The following LRRC9 variants were observed in gnomAD, a reference collection of about 807,000 sequenced individuals.
LRRC9 encodes leucine-rich repeat-containing protein 9.
Under a neutral mutation model 63.2 loss-of-function variants are expected in LRRC9, and 122 were observed. The observed-to-expected ratio is 1.93, with a 90% CI of 1.67 to 2.24. The LOEUF (loss-of-function observed/expected upper bound fraction) is 2.24. Ranked by LOEUF, LRRC9 falls within the 30% of genes most tolerant of loss-of-function variation. The probability of loss-of-function intolerance (pLI) is 0.00; values close to 1 mark genes in which losing one functional copy is unlikely to be tolerated. For missense variants in LRRC9, 1,071 were observed against 627.7 expected (o/e 1.71, Z -7.55); for synonymous variants, 366 against 213.1 (o/e 1.72, Z -6.25).
At chr14:60,046,646 A>T (rs1214869570) in intron 29 of LRRC9, among the ~76,000 whole-genome samples, 1 of 152,124 alleles carries the variant, frequency 6.6e-6, no homozygotes, top group Non-Finnish European at 1.5e-5. Flanking sequence ...CTGTTTTTGT[A>T]CCACTACCGT....
chr14:60,051,980 C>T lies in LRRC9; in HGVS notation c.3991-1085C>T, dbSNP rs1401533892. On this transcript the variant is annotated intron_variant, in intron 29 of 31. Coordinates refer to ENST00000445360, the Ensembl canonical transcript of LRRC9. This position sits in a 1 kb window ranked among gnomAD's most constrained non-coding sequence, Gnocchi z 4.7. ...TGGGCTGTCACCCCACCCTGCTTTT[C>T]TTTGTTCCCCATGGATCCAGTTGAT... is the stretch of plus-strand genomic sequence containing the variant. Among the ~76,000 whole-genome samples, 2 of 152,198 alleles carry T rather than the reference C, an allele frequency of 1.3e-5. No homozygotes were observed. The highest frequency in any genetic ancestry group is 4.8e-5 in the African/African-American group (2 of 41,468).
intron 23 of LRRC9, among the ~76,000 whole-genome samples, chr14:60,013,388 T>A (rs1000165844): frequency 3.3e-5 from 5 of 152,014 alleles, no homozygotes; most frequent in African/African-American, 1.2e-4. Context: ...TTCAGGAAAA[T>A]TCTTTATTTC....
chr14:59,964,862 G>A lies in LRRC9; in HGVS notation c.1212-1727G>A, dbSNP rs1339934818. On this transcript the variant is annotated intron_variant, in intron 10 of 31. Transcript: ENST00000445360. This position sits in a 1 kb window ranked among gnomAD's most constrained non-coding sequence, Gnocchi z 4.4. ...CTCCTCTGGGATTAGTTTGGTTTAG[G>A]CAGCTCTCCTTTCAACTCTAAGGGA... is the stretch of plus-strand genomic sequence containing the variant. Among the ~76,000 whole-genome samples the A allele has an allele frequency of 6.6e-6, 1 of 152,140 alleles. No homozygotes were observed. Among genetic ancestry groups the A allele is most frequent in the African/African-American group, 2.4e-5 (1 of 41,426 alleles).
chr14:60,026,817 GGATTT>G (rs1199423942), intron 27 of LRRC9, among the ~76,000 whole-genome samples: 1 of 152,016 alleles, frequency 6.6e-6, no homozygotes. Flanking sequence ...GTAAATGTGT[GGATTT>G]ATTTCTGAGT....
Position 59,928,627 on chromosome 14 carries a change from G to A in LRRC9, c.267+141G>A. On this transcript the variant is annotated intron_variant, in intron 3 of 31. Transcript: ENST00000445360. ...AAGGCTAGAAATTGATTTGTACAAA[G>A]GAAAAAATAAAAATAAGGAATTAGA... 5 of 413,154 alleles carry A rather than the reference G, an allele frequency of 1.2e-5. No homozygotes were observed. The South Asian group carries it at 2.9e-4, about 24-fold the overall frequency. The allele number at this position is 413,154 out of a possible 1,614,324, so 25.6% of individuals were successfully genotyped here.
chr14:59,978,340 A>G (rs1886544670), intron 15 of LRRC9, among the ~76,000 whole-genome samples: 2 of 152,190 alleles, frequency 1.3e-5, no homozygotes, highest in African/African-American at 4.8e-5. Flanking sequence ...CTGTACTCCC[A>G]CTGGAAAAGA....
At chr14:60,040,889 G>A (rs1464586967) in intron 29 of LRRC9, among the ~76,000 whole-genome samples, 2 of 151,852 alleles carry the variant, frequency 1.3e-5, no homozygotes, top group Non-Finnish European at 2.9e-5. Context: ...TTTTTGCAGT[G>A]GCTGGTACCA....
At chr14:59,952,881 TCC>T (rs1291509692) in intron 8 of LRRC9, among the ~76,000 whole-genome samples, 11 of 152,294 alleles carry the variant, frequency 7.2e-5, no homozygotes, top group African/African-American at 2.6e-4. Flanking sequence ...ATTGTTCAGC[TCC>T]CACTTGTGAG....
chr14:59,958,907 C>T lies in LRRC9; in HGVS notation c.883-911C>T, dbSNP rs888090177. Among the ~76,000 whole-genome samples the T allele has an allele frequency of 6.6e-6, 1 of 152,212 alleles. No homozygotes were observed. Among genetic ancestry groups the T allele is most frequent in the Non-Finnish European group, 1.5e-5 (1 of 68,042 alleles). On this transcript the variant is annotated intron_variant, in intron 8 of 31. Coordinates refer to ENST00000445360, the Ensembl canonical transcript of LRRC9. This position sits in a 1 kb window ranked among gnomAD's most constrained non-coding sequence, Gnocchi z 4.0. ...ACTTCCTGGGTGATGTGACACCCCA[C>T]CCTGCTTCTGCTCACCCTCTGTGGG... is the stretch of plus-strand genomic sequence containing the variant.
chr14:59,930,813 A>T lies in LRRC9; in HGVS notation c.268-105A>T, dbSNP rs1889639251. The stretch of plus-strand genomic sequence containing the variant: ...CATTTTGCTGGATATTGATTTTGCA[A>T]TAAAATATGATATTTAAAAGAAAAT... On this transcript the variant is annotated intron_variant, in intron 3 of 31. Coordinates refer to ENST00000445360, the Ensembl canonical transcript of LRRC9. This position sits in a 1 kb window ranked among gnomAD's most constrained non-coding sequence, Gnocchi z 4.9. 3 of 261,596 alleles carry T rather than the reference A, an allele frequency of 1.1e-5. No individual in the cohort carries two copies. The highest frequency in any genetic ancestry group is 2.2e-5 in the Non-Finnish European group (3 of 138,834). 16.2% of individuals were successfully genotyped at this position (261,596 alleles called of 1,614,324 possible).
In LRRC9 at chr14:59,927,926, C is replaced by T; in HGVS notation, c.-18C>T. 4.5e-6 allele frequency: 3 copies of T among 666,984 alleles called. No homozygotes were observed. In the South Asian group the frequency reaches 5.0e-5, roughly 11 times the overall value. The allele number at this position is 666,984 out of a possible 1,614,324, so 41.3% of individuals were successfully genotyped here. ...TCCTTAAAAGTTATAATATTATGATCACTGTTTTTAATGGAAGATGATTGA... is the reference window on the plus strand; with the variant it reads ...TCCTTAAAAGTTATAATATTATGATTACTGTTTTTAATGGAAGATGATTGA... On this transcript the variant is annotated 5_prime_UTR_variant, in exon 2 of 32. Transcript: ENST00000445360. The surrounding 1 kb of genome is among the most constrained non-coding windows in gnomAD (Gnocchi z 4.4).
intron 25 of LRRC9, among the ~76,000 whole-genome samples, chr14:60,018,885 A>G (rs944661350): frequency 6.6e-6 from 1 of 151,044 alleles, no homozygotes; most frequent in Non-Finnish European, 1.5e-5. Context: ...TGGAGAAATC[A>G]GGAGAACAGA....
chr14:59,989,422 T>C lies in LRRC9; in HGVS notation c.2211+4198T>C, dbSNP rs190015657. 1.6e-4 allele frequency among the ~76,000 whole-genome samples: 25 copies of C among 152,274 alleles called. No homozygotes were observed. The East Asian group carries it at 4.6e-3, about 28-fold the overall frequency. ...TCTCTTAAAAGTGTTATCTATTTTT[T>C]ATTCACTCTTGGATATGACTAATTT... is the stretch of plus-strand genomic sequence containing the variant. On this transcript the variant is annotated intron_variant, in intron 17 of 31. Coordinates refer to ENST00000445360, the Ensembl canonical transcript of LRRC9.
chr14:59,981,141 T>G (rs1886885655), intron 15 of LRRC9, among the ~76,000 whole-genome samples: 1 of 152,198 alleles, frequency 6.6e-6, no homozygotes, highest in Non-Finnish European at 1.5e-5. Context: ...AAATATTTTC[T>G]CAATCTTAGC....
Position 60,012,505 on chromosome 14 carries a change from T to G in LRRC9, c.3187-4155T>G, listed in dbSNP as rs151309528. Reference sequence around the variant, plus strand: ...CATATTCTCAATTTAGATATGAAGTTTTAACAGATTAGAAAAAAAGAAGGG... The same window carrying G: ...CATATTCTCAATTTAGATATGAAGTGTTAACAGATTAGAAAAAAAGAAGGG... On this transcript the variant is annotated intron_variant, in intron 23 of 31. Coordinates refer to ENST00000445360, the Ensembl canonical transcript of LRRC9. Among the ~76,000 whole-genome samples the G allele has an allele frequency of 4.0e-3, 605 of 152,314 alleles. 6 individuals carry two copies. Among genetic ancestry groups the G allele is most frequent in the Middle Eastern group, 0.01 (3 of 294 alleles).
chr14:59,958,490 G>A lies in LRRC9; in HGVS notation c.883-1328G>A, dbSNP rs1014859057. 6.6e-6 allele frequency among the ~76,000 whole-genome samples: 1 copy of A among 152,134 alleles called. No individual in the cohort carries two copies. Among genetic ancestry groups the A allele is most frequent in the Non-Finnish European group, 1.5e-5 (1 of 68,024 alleles). ...ACCCCTGCCCCAACCAAGCTCAATC[G>A]ACCCAGGTCGACTTCAGACTGCTGT... On this transcript the variant is annotated intron_variant, in intron 8 of 31. Transcript: ENST00000445360. The surrounding 1 kb of genome is among the most constrained non-coding windows in gnomAD (Gnocchi z 4.0).
exon 26 of LRRC9, chr14:60,019,160 C>G (rs958734447): frequency 4.3e-5 from 30 of 699,154 alleles, no homozygotes; most frequent in Non-Finnish European, 7.8e-6. Context: ...ATCAATCATG[C>G]CCAGACTAAA....
Position 59,938,410 on chromosome 14 carries a change from GC to G in LRRC9, c.565del (p.Leu189CysfsTer4), listed in dbSNP as rs1881283751. On this transcript the variant is annotated frameshift_variant, in exon 7 of 32. Coordinates refer to ENST00000445360, the Ensembl canonical transcript of LRRC9. LOFTEE classifies it high-confidence loss of function. The surrounding 1 kb of genome is among the most constrained non-coding windows in gnomAD (Gnocchi z 4.2). ...TTTAGGAACTCACGAACTTAACCAG[GC>G]TGCCTTGCTTAAAGGATTTATGTCT... is the stretch of plus-strand genomic sequence containing the variant. 8 of 687,812 alleles carry G rather than the reference GC, an allele frequency of 1.2e-5. No individual in the cohort carries two copies. Among genetic ancestry groups the G allele is most frequent in the Non-Finnish European group, 1.8e-5 (7 of 378,642 alleles). The allele number at this position is 687,812 out of a possible 1,614,324, so 42.6% of individuals were successfully genotyped here.
intron 24 of LRRC9, 161 bp from the exon 25 acceptor site, chr14:60,018,210 G>C: frequency 3.6e-6 from 2 of 548,438 alleles, no homozygotes; most frequent in Non-Finnish European, 6.5e-6. Context: ...ATATTCAGCC[G>C]ATCATTTAAC....
Sources: gnomAD v4.1 joint callset for allele counts (sites outside exome capture counted in the v4.1 genomes callset) on GRCh38, gnomAD v4.1.1 for gene constraint, Gnocchi (gnomAD v3.1) non-coding constraint, MANE v1.5 for transcripts, NCBI Gene and HGNC (gene_info 2026-07-23, HGNC 2026-07-21) for gene names.